SNTG1: variants seen among roughly 807,000 people sequenced by gnomAD.
SNTG1 encodes syntrophin gamma 1.
A neutral mutation model predicts 74.7 loss-of-function variants in SNTG1; 39 were observed. The ratio of observed to expected loss-of-function variants is 0.52; its 90% CI spans 0.40 to 0.68. The LOEUF (loss-of-function observed/expected upper bound fraction) is 0.68. Among genes scored for constraint, SNTG1 ranks in the 30% least tolerant of loss-of-function variants. SNTG1 has a pLI of 0.00. For synonymous variants in SNTG1, 254 were observed against 217.1 expected (o/e 1.17, Z -1.49); for missense variants, 685 against 609.5 (o/e 1.12, Z -1.30).
At chr8:50,356,252 C>T (rs544224736) in intron 2 of SNTG1, among the ~76,000 whole-genome samples, 1 of 152,136 alleles carries the variant, frequency 6.6e-6, no homozygotes, top group Non-Finnish European at 1.5e-5. Flanking sequence ...CGACTTGATT[C>T]AGCTTCCCAG....
Position 50,164,099 on chromosome 8 carries a change from T to C in SNTG1, c.-102-8462T>C, listed in dbSNP as rs1124670. 3.2e-3 allele frequency: 441 copies of C among 137,022 alleles called. 4 individuals are homozygous for C. Among genetic ancestry groups the C allele is most frequent in the African/African-American group, 0.013 (426 of 33,446 alleles). 8.5% of individuals were successfully genotyped at this position (137,022 alleles called of 1,614,324 possible). A position where few individuals can be genotyped will look rare whatever the true frequency, so the allele number is the denominator to read the frequency against. On this transcript the variant is annotated intron_variant, in intron 1 of 18. Coordinates refer to ENST00000642720, the MANE Select transcript of SNTG1 (RefSeq NM_018967.5). The stretch of plus-strand genomic sequence containing the variant: ...GATAGAAAGACACAATTTCTTTTTT[T>C]TTTTTTTTTTTTTTTTTTGCTATCT...
At position 50,432,872 on chromosome 8, in the gene SNTG1, C is replaced by A. The variant is rs576391290; in HGVS notation, c.163-5671C>A. Among the ~76,000 whole-genome samples, 20 of 152,070 alleles carry A rather than the reference C, an allele frequency of 1.3e-4. No homozygotes were observed. The South Asian group carries it at 2.1e-3, about 16-fold the overall frequency. ...AGTGGCACAGTCTCGGCTACTGCAA[C>A]CTCCACCTCCCTGGTTCAAACGATT... On this transcript the variant is annotated intron_variant, in intron 4 of 18. Coordinates refer to ENST00000642720, the MANE Select transcript of SNTG1 (RefSeq NM_018967.5).
chr8:50,284,488 A>T (rs6992813), intron 2 of SNTG1, among the ~76,000 whole-genome samples: 3 of 151,976 alleles, frequency 2.0e-5, no homozygotes, highest in African/African-American at 7.3e-5. Flanking sequence ...GTCCTTTCAG[A>T]TGGGTCCTTT....
chr8:50,702,015 T>C (rs2095427819), intron 15 of SNTG1, among the ~76,000 whole-genome samples: 2 of 151,908 alleles, frequency 1.3e-5, no homozygotes, highest in African/African-American at 4.8e-5. Flanking sequence ...CATGTCCGGC[T>C]AATTTTTGTA....
intron 1 of SNTG1, among the ~76,000 whole-genome samples, chr8:50,018,487 CACAAAATGG>C (rs1210212735): frequency 1.3e-5 from 2 of 152,026 alleles, no homozygotes; most frequent in Admixed American, 6.6e-5. Context: ...CAAAAATCCA[CACAAAATGG>C]ACTGTAGACA....
At chr8:50,385,148 G>A (rs557452661) in intron 2 of SNTG1, among the ~76,000 whole-genome samples, 50 of 152,272 alleles carry the variant, frequency 3.3e-4, no homozygotes, top group South Asian at 1.2e-3. Flanking sequence ...GATATTCTGC[G>A]TCATATGTTC....
chr8:50,644,540 T>C (rs2095094836), intron 13 of SNTG1: 1 of 152,240 alleles, frequency 6.6e-6, no homozygotes, highest in Non-Finnish European at 1.5e-5. Context: ...ATATTACATA[T>C]AACTAATAAA....
intron 13 of SNTG1, among the ~76,000 whole-genome samples, chr8:50,636,628 A>G (rs2095041090): frequency 6.6e-6 from 1 of 152,078 alleles, no homozygotes; most frequent in Non-Finnish European, 1.5e-5. Context: ...CCAAGCTGTC[A>G]CTGACAGAGT....
intron 12 of SNTG1, among the ~76,000 whole-genome samples, chr8:50,574,423 A>AT (rs1563596841): frequency 6.6e-6 from 1 of 152,080 alleles, no homozygotes; most frequent in African/African-American, 2.4e-5. Context: ...CCTTAATTAT[A>AT]TTTTTACTTT....
chr8:50,689,370 T>C (rs915380838), intron 15 of SNTG1, among the ~76,000 whole-genome samples: 4 of 152,196 alleles, frequency 2.6e-5, no homozygotes, highest in Admixed American at 1.3e-4. Context: ...CCATTCAGTA[T>C]ATTGGCTGTG....
chr8:50,433,366 A>G (rs776200719), intron 4 of SNTG1, among the ~76,000 whole-genome samples: 1 of 152,166 alleles, frequency 6.6e-6, no homozygotes, highest in Non-Finnish European at 1.5e-5. Context: ...TAGCTAGAAC[A>G]TCAAGATATT....
intron 1 of SNTG1, among the ~76,000 whole-genome samples, chr8:50,026,358 G>A (rs986564574): frequency 1.2e-4 from 19 of 152,264 alleles, no homozygotes; most frequent in African/African-American, 4.6e-4. Flanking sequence ...AACTAGTTAA[G>A]TGAATGTGCA....
chr8:50,421,779 G>T (rs748202377), intron 4 of SNTG1, among the ~76,000 whole-genome samples: 4 of 152,106 alleles, frequency 2.6e-5, no homozygotes, highest in African/African-American at 4.8e-5. Context: ...AGGAAAAAAG[G>T]CATACAGACT....
intron 12 of SNTG1, among the ~76,000 whole-genome samples, chr8:50,567,957 C>T (rs959086789): frequency 1.3e-5 from 2 of 151,982 alleles, no homozygotes; most frequent in Non-Finnish European, 2.9e-5. Context: ...TTCTTCCTTC[C>T]TGTATCTCTG....
chr8:50,637,945 A>T (rs927309431), intron 13 of SNTG1, among the ~76,000 whole-genome samples: 1 of 152,142 alleles, frequency 6.6e-6, no homozygotes, highest in South Asian at 2.1e-4. Context: ...CATTTCCTCA[A>T]CATACTTATT....
chr8:50,316,478 T>C (rs1190306615), intron 2 of SNTG1, among the ~76,000 whole-genome samples: 1 of 152,210 alleles, frequency 6.6e-6, no homozygotes, highest in East Asian at 1.9e-4. Context: ...CTGCAAGTTA[T>C]TGAAACATTC....
intron 15 of SNTG1, among the ~76,000 whole-genome samples, chr8:50,665,458 T>TA (rs1178277418): frequency 2.0e-5 from 3 of 151,896 alleles, no homozygotes; most frequent in African/African-American, 7.3e-5. Context: ...AGCTGTACCT[T>TA]ACTCTGTCCC....
Position 50,038,302 on chromosome 8 carries a change from C to G in SNTG1, c.-103+126071C>G, listed in dbSNP as rs115149178. Among the ~76,000 whole-genome samples, 1,269 of 152,228 alleles carry G rather than the reference C, an allele frequency of 8.3e-3. 24 individuals carry two copies. Among genetic ancestry groups the G allele is most frequent in the African/African-American group, 0.029 (1,199 of 41,538 alleles). ...TCGTAGATGTGTACTGCAGAATGGG[C>G]TCCTCCAAGTTTCTGGTTCTGGGAA... On this transcript the variant is annotated intron_variant, in intron 1 of 18. Transcript: ENST00000642720.
At chr8:50,590,184 GAGTT>G (rs1209654180) in intron 12 of SNTG1, among the ~76,000 whole-genome samples, 3 of 152,134 alleles carry the variant, frequency 2.0e-5, no homozygotes, top group African/African-American at 4.8e-5. Context: ...ATACCATAGA[GAGTT>G]AGCATGCTTA....
Sources: gnomAD v4.1 joint callset for allele counts (sites outside exome capture counted in the v4.1 genomes callset) on GRCh38, gnomAD v4.1.1 for gene constraint, MANE v1.5 for transcripts, NCBI Gene and HGNC (gene_info 2026-07-23, HGNC 2026-07-21) for gene names.